Variants in PTPRD observed in about 807,000 individuals in gnomAD.
The protein encoded by PTPRD is protein tyrosine phosphatase receptor type D, also known as receptor-type tyrosine-protein phosphatase delta.
PTPRD carries 34 observed loss-of-function variants against 214.5 expected under a neutral mutation model. The ratio of observed to expected loss-of-function variants is 0.16; its 90% CI spans 0.12 to 0.21. The LOEUF (loss-of-function observed/expected upper bound fraction) is 0.21, where lower values mean the gene tolerates loss of function less well. Ranked by LOEUF, PTPRD falls within the 10% of genes least tolerant of loss-of-function variation. PTPRD has a pLI of 1.00. For synonymous variants in PTPRD, 1,128 were observed against 845.7 expected (o/e 1.33, Z -5.79); for missense variants, 2,545 against 2,398.7 (o/e 1.06, Z -1.27).
intron 9 of PTPRD, among the ~76,000 whole-genome samples, chr9:9,293,840 C>T (rs1336523233): frequency 6.6e-6 from 1 of 151,580 alleles, no homozygotes; most frequent in African/African-American, 2.4e-5. Flanking sequence ...GTAAAATTAA[C>T]ACTAATTTCC....
At chr9:10,573,409 A>G (rs2068115764) in intron 2 of PTPRD, among the ~76,000 whole-genome samples, 1 of 152,194 alleles carries the variant, frequency 6.6e-6, no homozygotes, top group African/African-American at 2.4e-5. Flanking sequence ...GTAATTATTC[A>G]CATTTGAGTT....
At chr9:10,221,749 C>T (rs1054121925) in intron 3 of PTPRD, among the ~76,000 whole-genome samples, 1 of 151,772 alleles carries the variant, frequency 6.6e-6, no homozygotes, top group African/African-American at 2.4e-5. Flanking sequence ...TGTATAGCAA[C>T]TAAATTATTA....
At chr9:8,331,304 C>CCAACAATT (rs1459430627) in intron 44 of PTPRD, among the ~76,000 whole-genome samples, 1 of 152,042 alleles carries the variant, frequency 6.6e-6, no homozygotes, top group Admixed American at 6.6e-5. Context: ...AGGGGAGGTA[C>CCAACAATT]CAACAATTCC....
At chr9:10,264,958 T>C (rs946223651) in intron 3 of PTPRD, among the ~76,000 whole-genome samples, 1 of 152,154 alleles carries the variant, frequency 6.6e-6, no homozygotes, top group African/African-American at 2.4e-5. Context: ...GGGTTTCCCC[T>C]TTCACATAGC....
At chr9:9,979,030 T>A (rs181432945) in intron 4 of PTPRD, among the ~76,000 whole-genome samples, 1 of 152,212 alleles carries the variant, frequency 6.6e-6, no homozygotes, top group East Asian at 1.9e-4. Context: ...AGTAATTCTA[T>A]TCTCAGAGAA....
At position 8,331,681 on chromosome 9, in the gene PTPRD, C is replaced by A. The variant is rs373755531; in HGVS notation, c.5435G>T (p.Gly1812Val). 1 of 1,613,520 alleles carries A rather than the reference C, an allele frequency of 6.2e-7. No homozygotes were observed. The highest frequency in any genetic ancestry group is 8.5e-7 in the Non-Finnish European group (1 of 1,179,828). ...QFQFTDWPEQ[G>V]VPKSGEGFID... ...AAATCCTTCTCCGGACTTTGGCACT[C>A]CTTGCTCTGGCCAGTCAGTGAACTG... Residue 1812 changes from glycine (G) to valine (V), a missense_variant, in exon 44 of 46, where the codon GGA becomes GTA. Physicochemically the swap from Gly to Val is moderately radical, Grantham distance 109. Coordinates refer to ENST00000381196, the MANE Select transcript of PTPRD (RefSeq NM_002839.4).
At chr9:10,111,658 T>G (rs193020449) in intron 3 of PTPRD, among the ~76,000 whole-genome samples, 1 of 152,218 alleles carries the variant, frequency 6.6e-6, no homozygotes, top group East Asian at 1.9e-4. Flanking sequence ...ATTTTGACAA[T>G]TGAATGAGTA....
At chr9:8,318,600 A>C (rs1735129773) in intron 45 of PTPRD, among the ~76,000 whole-genome samples, 1 of 152,046 alleles carries the variant, frequency 6.6e-6, no homozygotes, top group African/African-American at 2.4e-5. Context: ...TACACAGGGC[A>C]CTGGACTTCC....
intron 27 of PTPRD, among the ~76,000 whole-genome samples, chr9:8,487,028 T>A (rs2097033576): frequency 6.6e-6 from 1 of 152,206 alleles, no homozygotes; most frequent in Non-Finnish European, 1.5e-5. Flanking sequence ...AATATCGTAT[T>A]GACTTACTAT....
chr9:9,339,012 T>C (rs2045711524), intron 9 of PTPRD, among the ~76,000 whole-genome samples: 1 of 152,184 alleles, frequency 6.6e-6, no homozygotes, highest in African/African-American at 2.4e-5. Context: ...CTGAAGAATC[T>C]AACGACAAAT....
At chr9:9,617,596 C>A (rs2094955155) in intron 7 of PTPRD, among the ~76,000 whole-genome samples, 1 of 151,758 alleles carries the variant, frequency 6.6e-6, no homozygotes, top group South Asian at 2.1e-4. Flanking sequence ...GAAGCTTCTG[C>A]AAAGGTAAAT....
chr9:8,646,956 T>C (rs1390200979), intron 12 of PTPRD, among the ~76,000 whole-genome samples: 1 of 152,220 alleles, frequency 6.6e-6, no homozygotes, highest in Non-Finnish European at 1.5e-5. Context: ...TGCACCTCTA[T>C]TACACGTATA....
rs117156545 is a variant in PTPRD at position 10,347,105 on chromosome 9, C to T, written c.-599-6088G>A. ...TCCTAACTCCCTGAAATTTCACTCT[C>T]ATCAGCCCAGATCTCCACCACACAC... On this transcript the variant is annotated intron_variant, in intron 2 of 45. Coordinates refer to ENST00000381196, the MANE Select transcript of PTPRD (RefSeq NM_002839.4). Among the ~76,000 whole-genome samples, 20 of 152,218 alleles carry T rather than the reference C, an allele frequency of 1.3e-4. No homozygotes were observed. The East Asian group carries it at 1.7e-3, about 13-fold the overall frequency.
intron 11 of PTPRD, among the ~76,000 whole-genome samples, chr9:8,800,985 G>C (rs756960993): frequency 1.4e-4 from 22 of 152,312 alleles, no homozygotes; most frequent in Middle Eastern, 3.4e-3. Context: ...ATGGGGCTAT[G>C]ATACAAATAC....
chr9:8,870,104 G>A (rs1233143529), intron 11 of PTPRD, among the ~76,000 whole-genome samples: 3 of 149,068 alleles, frequency 2.0e-5, no homozygotes, highest in Non-Finnish European at 4.4e-5. Flanking sequence ...ATTTGTGTTG[G>A]TATATATCTC....
At chr9:10,095,033 G>C (rs75633218) in intron 3 of PTPRD, among the ~76,000 whole-genome samples, 1,923 of 151,238 alleles carry the variant, frequency 0.013, 31 homozygotes, top group African/African-American at 0.041. Context: ...CAACCTTAAG[G>C]TGTCAGCATA....
intron 2 of PTPRD, among the ~76,000 whole-genome samples, chr9:10,355,187 T>G (rs933963007): frequency 4.6e-5 from 7 of 152,162 alleles, no homozygotes; most frequent in Admixed American, 3.3e-4. Context: ...ATAATTTAAG[T>G]TATTAAGAAA....
chr9:9,672,040 C>T (rs1325505996), intron 7 of PTPRD, among the ~76,000 whole-genome samples: 1 of 152,154 alleles, frequency 6.6e-6, no homozygotes, highest in Admixed American at 6.5e-5. Context: ...GAGAATGAGG[C>T]AACCTTTATA....
At chr9:10,000,662 C>G (rs2096284441) in intron 4 of PTPRD, among the ~76,000 whole-genome samples, 1 of 152,156 alleles carries the variant, frequency 6.6e-6, no homozygotes. Flanking sequence ...TTAATAAAAA[C>G]AGCTCCCGAA....
Sources: gnomAD v4.1 joint callset for allele counts (sites outside exome capture counted in the v4.1 genomes callset) on GRCh38, gnomAD v4.1.1 for gene constraint, MANE v1.5 for transcripts, NCBI Gene and HGNC (gene_info 2026-07-23, HGNC 2026-07-21) for gene names.